NEDD4L: variants seen among roughly 807,000 people sequenced by gnomAD.
The protein encoded by NEDD4L is NEDD4 like E3 ubiquitin protein ligase.
NEDD4L carries 54 observed loss-of-function variants against 148.9 expected under a neutral mutation model. The ratio of observed to expected loss-of-function variants is 0.36; its 90% CI spans 0.29 to 0.45. The LOEUF (loss-of-function observed/expected upper bound fraction) is 0.45, where lower values mean the gene tolerates loss of function less well. Among genes scored for constraint, NEDD4L ranks in the 20% least tolerant of loss-of-function variants. The probability of loss-of-function intolerance (pLI) is 1.00; values close to 1 mark genes in which losing one functional copy is unlikely to be tolerated. For synonymous variants in NEDD4L, 433 were observed against 440.7 expected, an observed-to-expected ratio of 0.98 and a Z score of 0.22; for missense variants, 856 against 1,233.8, an observed-to-expected ratio of 0.69 and a Z score of 4.59.
chr18:58,236,356 C>CA (rs1038313418), intron 2 of NEDD4L, among the ~76,000 whole-genome samples: 18 of 143,424 alleles, frequency 1.3e-4, no homozygotes, highest in South Asian at 2.2e-4. Context: ...GACCCTGTCT[C>CA]AAAAAAAAAA....
intron 5 of NEDD4L, among the ~76,000 whole-genome samples, chr18:58,295,604 T>C (rs546097311): frequency 2.6e-5 from 4 of 152,312 alleles, no homozygotes; most frequent in South Asian, 4.1e-4. Context: ...ATCAATACTT[T>C]AATATTTAAA....
rs1408580789 is a variant in NEDD4L, at chr18:58,330,771, G to C, written c.847G>C (p.Ala283Pro). 5 of 1,610,682 alleles carry C rather than the reference G, an allele frequency of 3.1e-6. No homozygotes were observed. Among genetic ancestry groups the C allele is most frequent in the Middle Eastern group, 3.3e-4 (2 of 6,048 alleles). Residue 283 changes from alanine to proline, a missense_variant, in exon 11 of 31, where the codon GCT becomes CCT. Around this residue, in one of 4 missense-constraint regions of NEDD4L, gnomAD observed 367 missense variants for 422.7 expected, o/e 0.87. Transcript: ENST00000400345. ...WETISEEVNI[A>P]GDSLGLALPP... Reference sequence around the variant, plus strand: ...GACCATTTCAGAGGAAGTGAATATCGCTGGAGACTCTCTCGGTCTGGCTCT... The same window carrying C: ...GACCATTTCAGAGGAAGTGAATATCCCTGGAGACTCTCTCGGTCTGGCTCT...
At chr18:58,180,907 A>G (rs932435271) in intron 2 of NEDD4L, among the ~76,000 whole-genome samples, 12 of 152,200 alleles carry the variant, frequency 7.9e-5, no homozygotes, top group Admixed American at 2.6e-4. Context: ...TCTCTGGTCT[A>G]TCGAGGTGTA....
At position 58,237,942 on chromosome 18, in the gene NEDD4L, T is replaced by C. The variant is rs78152169; in HGVS notation, c.123-7485T>C. Among the ~76,000 whole-genome samples, 665 of 152,318 alleles carry C rather than the reference T, an allele frequency of 4.4e-3. 17 individuals carry two copies. In the East Asian group the frequency reaches 0.066, roughly 15 times the overall value. On this transcript the variant is annotated intron_variant, in intron 2 of 30. Transcript: ENST00000400345. ...AAGACTCGAGTGGCTGGGAAGGTTT[T>C]AGAATGCAGGTAAACCACTAGTTGC...
At chr18:58,168,334 C>T (rs1198853095) in intron 2 of NEDD4L, among the ~76,000 whole-genome samples, 3 of 152,216 alleles carry the variant, frequency 2.0e-5, no homozygotes, top group African/African-American at 4.8e-5. Flanking sequence ...CTTGGTGTCT[C>T]ACTCTGGAGT....
chr18:58,074,780 G>A (rs1239786686), intron 1 of NEDD4L, among the ~76,000 whole-genome samples: 2 of 152,166 alleles, frequency 1.3e-5, no homozygotes, highest in Non-Finnish European at 2.9e-5. Flanking sequence ...GACTGATGCT[G>A]TATATTAAGA....
chr18:58,293,345 G>T (rs9955824), intron 5 of NEDD4L, among the ~76,000 whole-genome samples: 67,458 of 152,072 alleles, frequency 0.44, 16,051 homozygotes, highest in African/African-American at 0.63. Flanking sequence ...GCCAATGTAG[G>T]TAATGCACCA....
chr18:58,281,306 T>TC (rs1250233637), intron 5 of NEDD4L, among the ~76,000 whole-genome samples: 1 of 121,994 alleles, frequency 8.2e-6, no homozygotes, highest in Non-Finnish European at 1.7e-5. Context: ...CAAGTCTCTC[T>TC]CCTTTTTTTT....
intron 1 of NEDD4L, among the ~76,000 whole-genome samples, chr18:58,117,188 T>C (rs1344726565): frequency 6.6e-6 from 1 of 152,232 alleles, no homozygotes; most frequent in Non-Finnish European, 1.5e-5. Flanking sequence ...AAGGTCATGG[T>C]TCCAGACACT....
chr18:58,179,441 G>A (rs1223555128), intron 2 of NEDD4L, among the ~76,000 whole-genome samples: 1 of 152,110 alleles, frequency 6.6e-6, no homozygotes, highest in East Asian at 1.9e-4. Context: ...TCATCCTTCC[G>A]GCTGCTGTGT....
intron 1 of NEDD4L, among the ~76,000 whole-genome samples, chr18:58,159,077 G>A (rs535815611): frequency 2.0e-5 from 3 of 152,252 alleles, no homozygotes; most frequent in Admixed American, 1.3e-4. Flanking sequence ...GCAATATAAG[G>A]TTGTGGGACC....
chr18:58,127,097 A>T (rs1397059047), intron 1 of NEDD4L, among the ~76,000 whole-genome samples: 1 of 152,154 alleles, frequency 6.6e-6, no homozygotes, highest in Non-Finnish European at 1.5e-5. Flanking sequence ...CTTTTCTCTG[A>T]TAGCAAACCC....
chr18:58,390,811 A>G (rs1389899845), intron 29 of NEDD4L, 69 bp downstream of exon 29: 4 of 1,138,968 alleles, frequency 3.5e-6, no homozygotes, highest in Non-Finnish European at 5.2e-6. Context: ...CTCTGGCCCA[A>G]GAACCCTGCC....
At chr18:58,144,594 A>G (rs906173203) in intron 1 of NEDD4L, among the ~76,000 whole-genome samples, 5 of 152,208 alleles carry the variant, frequency 3.3e-5, no homozygotes, top group Admixed American at 6.5e-5. Flanking sequence ...AGAGAGTAGG[A>G]CATTTTGTCT....
chr18:58,134,163 G>T (rs370411233), intron 1 of NEDD4L, among the ~76,000 whole-genome samples: 18 of 152,100 alleles, frequency 1.2e-4, no homozygotes, highest in African/African-American at 4.1e-4. Context: ...ACAATGCCCA[G>T]CTATTTTTTG....
intron 1 of NEDD4L, among the ~76,000 whole-genome samples, chr18:58,119,682 T>C (rs1039439037): frequency 6.6e-6 from 1 of 152,248 alleles, no homozygotes; most frequent in Non-Finnish European, 1.5e-5. Context: ...TGCTGGACCC[T>C]GTGTAACTGT....
intron 1 of NEDD4L, among the ~76,000 whole-genome samples, chr18:58,118,849 C>G (rs2086032073): frequency 6.6e-6 from 1 of 152,162 alleles, no homozygotes; most frequent in Non-Finnish European, 1.5e-5. Flanking sequence ...GCTGACATTT[C>G]TTGTTCCCTG....
At chr18:58,357,348 A>C in intron 19 of NEDD4L, 96 bp downstream of exon 19, 1 of 1,082,008 alleles carries the variant, frequency 9.2e-7, no homozygotes, top group Non-Finnish European at 1.4e-6. Flanking sequence ...GTCAAGGGAC[A>C]ACGGTGATTG....
At chr18:58,319,916 TC>T (rs2058626858) in intron 6 of NEDD4L, among the ~76,000 whole-genome samples, 1 of 152,152 alleles carries the variant, frequency 6.6e-6, no homozygotes, top group Admixed American at 6.5e-5. Flanking sequence ...ATTGGTTTGA[TC>T]CTCACAACAG....
Sources: allele counts gnomAD v4.1 joint callset (sites outside exome capture counted in the v4.1 genomes callset), GRCh38; gene constraint gnomAD v4.1.1; regional missense constraint gnomAD v4.1.1; transcripts MANE v1.5; gene names NCBI Gene and HGNC (gene_info 2026-07-23, HGNC 2026-07-21).